The following AGBL1 variants were observed in gnomAD, a reference collection of about 807,000 sequenced individuals.
The protein encoded by AGBL1 is AGBL carboxypeptidase 1.
A neutral mutation model predicts 118.9 loss-of-function variants in AGBL1; 130 were observed. The observed-to-expected ratio is 1.09, with a 90% CI of 0.95 to 1.26. The LOEUF (loss-of-function observed/expected upper bound fraction) is 1.26. Ranked by LOEUF, AGBL1 falls within the 50% of genes most tolerant of loss-of-function variation. The pLI, the probability that AGBL1 is intolerant of heterozygous loss-of-function variation, is 0.00. For missense variants in AGBL1, 1,584 were observed against 1,298.1 expected (o/e 1.22, Z -3.38); for synonymous variants, 555 against 478.9 (o/e 1.16, Z -2.08).
chr15:86,617,760 G>GCACA (rs5814253), intron 21 of AGBL1, among the ~76,000 whole-genome samples: 8,537 of 146,860 alleles, frequency 0.058, 297 homozygotes, highest in African/African-American at 0.097. Flanking sequence ...AACTTTATGC[G>GCACA]CACACACACA....
At chr15:86,186,774 C>A (rs962453573) in intron 5 of AGBL1, among the ~76,000 whole-genome samples, 1 of 152,152 alleles carries the variant, frequency 6.6e-6, no homozygotes, top group Non-Finnish European at 1.5e-5. Context: ...TATGTACATT[C>A]TCTTATTTAA....
intron 18 of AGBL1, among the ~76,000 whole-genome samples, chr15:86,475,298 C>T (rs970551413): frequency 1.3e-5 from 2 of 152,098 alleles, no homozygotes; most frequent in African/African-American, 4.8e-5. Context: ...GAAGTTCGAA[C>T]CCACTGCAAA....
chr15:86,456,226 TTAA>T (rs746641932), intron 18 of AGBL1, among the ~76,000 whole-genome samples: 37 of 152,226 alleles, frequency 2.4e-4, no homozygotes, highest in Non-Finnish European at 4.4e-4. Flanking sequence ...AAATTTTGCA[TTAA>T]TAAGTCACAT....
chr15:86,095,322 C>T (rs999156043), intron 1 of AGBL1, among the ~76,000 whole-genome samples: 1 of 152,148 alleles, frequency 6.6e-6, no homozygotes, highest in Non-Finnish European at 1.5e-5. Context: ...CTCTCCTTTC[C>T]CTGGAGGTTG....
intron 5 of AGBL1, among the ~76,000 whole-genome samples, chr15:86,203,684 T>C (rs2077943807): frequency 6.6e-6 from 1 of 152,234 alleles, no homozygotes; most frequent in African/African-American, 2.4e-5. Flanking sequence ...GTCTTTTCTT[T>C]CAAAAATTTG....
chr15:87,008,248 G>A (rs2081523969), intron 24 of AGBL1, among the ~76,000 whole-genome samples: 1 of 152,152 alleles, frequency 6.6e-6, no homozygotes, highest in Non-Finnish European at 1.5e-5. Context: ...TTGTGGGAGG[G>A]ACCCAGTGGG....
chr15:86,655,376 A>G (rs1453067897), intron 21 of AGBL1, among the ~76,000 whole-genome samples: 1 of 152,202 alleles, frequency 6.6e-6, no homozygotes, highest in Non-Finnish European at 1.5e-5. Flanking sequence ...CAATACACGC[A>G]ATGATGTCCT....
intron 18 of AGBL1, among the ~76,000 whole-genome samples, chr15:86,482,164 G>C (rs1163140897): frequency 2.6e-5 from 4 of 152,102 alleles, no homozygotes; most frequent in African/African-American, 9.7e-5. Flanking sequence ...TGAGCTCCTT[G>C]GAGGAAAGAT....
chr15:86,363,797 G>A (rs28493319), intron 17 of AGBL1, among the ~76,000 whole-genome samples: 6,880 of 152,104 alleles, frequency 0.045, 190 homozygotes, highest in South Asian at 0.073. Context: ...ATACCTCAGA[G>A]CCAGCATGGT....
At chr15:87,007,636 G>GGA (rs2081518358) in intron 24 of AGBL1, among the ~76,000 whole-genome samples, 2 of 152,094 alleles carry the variant, frequency 1.3e-5, no homozygotes, top group African/African-American at 4.8e-5. Flanking sequence ...AAAATATAAA[G>GGA]GATAAAGGAA....
intron 18 of AGBL1, among the ~76,000 whole-genome samples, chr15:86,513,646 G>A (rs935087351): frequency 1.3e-5 from 2 of 151,972 alleles, no homozygotes; most frequent in Admixed American, 1.3e-4. Context: ...TGTGATGTTT[G>A]TCAAATGATA....
intron 21 of AGBL1, among the ~76,000 whole-genome samples, chr15:86,625,761 C>T (rs2084877581): frequency 6.6e-6 from 1 of 152,100 alleles, no homozygotes; most frequent in Non-Finnish European, 1.5e-5. Context: ...TATTAAGTTT[C>T]TCCCCTGAAA....
chr15:86,995,538 G>A (rs1442739624), intron 24 of AGBL1, among the ~76,000 whole-genome samples: 1 of 149,984 alleles, frequency 6.7e-6, no homozygotes, highest in Non-Finnish European at 1.5e-5. Flanking sequence ...AGGAGACATA[G>A]AAATGTGTCA....
chr15:86,494,818 CAT>C (rs1271862500), intron 18 of AGBL1, among the ~76,000 whole-genome samples: 1 of 152,032 alleles, frequency 6.6e-6, no homozygotes, highest in African/African-American at 2.4e-5. Flanking sequence ...CATTATTACT[CAT>C]GTGTTTGTTT....
At chr15:86,443,722 T>C (rs1050213726) in intron 18 of AGBL1, among the ~76,000 whole-genome samples, 2 of 152,240 alleles carry the variant, frequency 1.3e-5, no homozygotes, top group African/African-American at 4.8e-5. Context: ...GTGCTTGCCC[T>C]ATTTTACCAA....
chr15:86,124,137 C>G (rs62012437), intron 1 of AGBL1, among the ~76,000 whole-genome samples: 11,572 of 152,076 alleles, frequency 0.076, 554 homozygotes, highest in South Asian at 0.13. Context: ...CAAGACCAGC[C>G]TGGCCAACAT....
intron 21 of AGBL1, among the ~76,000 whole-genome samples, chr15:86,643,827 A>G (rs1360871518): frequency 1.3e-5 from 2 of 152,184 alleles, no homozygotes; most frequent in African/African-American, 2.4e-5. Flanking sequence ...GGACATATCT[A>G]AATAGTTTAC....
intron 18 of AGBL1, among the ~76,000 whole-genome samples, chr15:86,438,657 CTT>C (rs35937855): frequency 0.047 from 6,196 of 131,510 alleles, 125 homozygotes; most frequent in East Asian, 0.15. Flanking sequence ...TAATCTGTCT[CTT>C]TTTTTTTTTT....
intron 21 of AGBL1, among the ~76,000 whole-genome samples, chr15:86,598,058 G>A (rs1181225859): frequency 6.6e-6 from 1 of 152,062 alleles, no homozygotes; most frequent in Non-Finnish European, 1.5e-5. Flanking sequence ...GCTGTTGTCT[G>A]TAAATTTGGT....
Sources: allele counts gnomAD v4.1 joint callset (sites outside exome capture counted in the v4.1 genomes callset), GRCh38; gene constraint gnomAD v4.1.1; transcripts MANE v1.5; gene names NCBI Gene and HGNC (gene_info 2026-07-23, HGNC 2026-07-21).